The following FAM240B variants were observed in gnomAD, a reference collection of about 807,000 sequenced individuals.
FAM240B encodes family with sequence similarity 240 member B, also known as protein FAM240B.
intron 2 of FAM240B, among the ~76,000 whole-genome samples, chr9:38,699,887 T>C (rs368575640): frequency 1.3e-5 from 2 of 152,246 alleles, no homozygotes; most frequent in African/African-American, 4.8e-5. Flanking sequence ...AATCTTGATC[T>C]CTGTGCTTTT....
chr9:38,704,451 T>G (rs1480671004), intron 1 of FAM240B, among the ~76,000 whole-genome samples: 1 of 152,206 alleles, frequency 6.6e-6, no homozygotes, highest in Admixed American at 6.5e-5. Flanking sequence ...TTTTAAAATT[T>G]TCTTTTGACT....
intron 2 of FAM240B, among the ~76,000 whole-genome samples, chr9:38,695,158 C>T (rs976991027): frequency 6.6e-6 from 1 of 152,164 alleles, no homozygotes; most frequent in Non-Finnish European, 1.5e-5. Context: ...AGCAAACCAC[C>T]ATGACACATG....
chr9:38,704,104 C>A, intron 1 of FAM240B, 102 bp from the exon 2 acceptor site: 1 of 346,786 alleles, frequency 2.9e-6, no homozygotes. Context: ...GCCATTTACA[C>A]TTGTTTTTTT....
intron 1 of FAM240B, among the ~76,000 whole-genome samples, 160 bp downstream of exon 1, chr9:38,719,862 G>A (rs1344351636): frequency 6.6e-6 from 1 of 152,212 alleles, no homozygotes; most frequent in Non-Finnish European, 1.5e-5. Flanking sequence ...TGGCCCATCT[G>A]TTATTCCCAA....
intron 1 of FAM240B, among the ~76,000 whole-genome samples, chr9:38,704,555 G>A (rs1394278898): frequency 1.3e-5 from 2 of 151,696 alleles, no homozygotes; most frequent in East Asian, 3.9e-4. Flanking sequence ...CATTATTTTA[G>A]CTTTCTTAAA....
intron 1 of FAM240B, among the ~76,000 whole-genome samples, chr9:38,711,412 G>A (rs1821253861): frequency 6.6e-6 from 1 of 152,124 alleles, no homozygotes; most frequent in Non-Finnish European, 1.5e-5. Context: ...GAGCTAAGAT[G>A]GCTCCACCTG....
At chr9:38,718,624 C>A (rs74392107) in intron 1 of FAM240B, among the ~76,000 whole-genome samples, 1,747 of 152,058 alleles carry the variant, frequency 0.011, 36 homozygotes, top group African/African-American at 0.04. Flanking sequence ...AGAGAAGTAA[C>A]CAATACATTT....
At chr9:38,710,587 G>C (rs1821243139) in intron 1 of FAM240B, among the ~76,000 whole-genome samples, 1 of 152,118 alleles carries the variant, frequency 6.6e-6, no homozygotes, top group Non-Finnish European at 1.5e-5. Flanking sequence ...TTAAAGTATA[G>C]GCAGTGGGGG....
chr9:38,700,675 T>G (rs1367624661), intron 2 of FAM240B, among the ~76,000 whole-genome samples: 4 of 152,220 alleles, frequency 2.6e-5, no homozygotes, highest in South Asian at 4.1e-4. Context: ...CTTCTCGAAT[T>G]GCCTCAATCA....
chr9:38,704,751 G>A (rs1358636405), intron 1 of FAM240B, among the ~76,000 whole-genome samples: 1 of 152,142 alleles, frequency 6.6e-6, no homozygotes, highest in Non-Finnish European at 1.5e-5. Flanking sequence ...GATGTGGGCC[G>A]GGCACGCTTT....
In FAM240B at chr9:38,703,915, T is replaced by G. The variant is rs2119003869; in HGVS notation, c.85A>C (p.Lys29Gln). 2.5e-6 allele frequency: 1 copy of G among 400,656 alleles called. No homozygotes were observed. The highest frequency in any genetic ancestry group is 2.0e-5 in the African/African-American group (1 of 48,818). The allele number at this position is 400,656 out of a possible 1,614,324, so 24.8% of individuals were successfully genotyped here. Reference protein sequence around the residue: ...LKSFWEKEISKQTFYRELEED... With the variant: ...LKSFWEKEISQQTFYRELEED... ...TCCAGTTCTCGGTAAAAAGTCTGTT[T>G]GCTAATTTCTTTTTCCCAGAAGCTT... is the stretch of plus-strand genomic sequence containing the variant. Residue 29 changes from lysine (K) to glutamine (Q), a missense_variant, in exon 2 of 3, where the codon AAA (lysine) becomes CAA (glutamine). Lys to Gln is a moderately conservative substitution (Grantham distance 53). Transcript: ENST00000637493.
In FAM240B at chr9:38,713,724, A is replaced by C. The variant is rs916904270; in HGVS notation, c.-4+6298T>G. Among the ~76,000 whole-genome samples the C allele has an allele frequency of 8.5e-5, 13 of 152,154 alleles. 1 individual carries two copies. The highest frequency in any genetic ancestry group is 8.5e-4 in the Admixed American group (13 of 15,276). On this transcript the variant is annotated intron_variant, in intron 1 of 2. Transcript: ENST00000637493. ...TAGAGGGGAAAGATTATGATGCGTC[A>C]ACTTCTCTCATGTGATTTAGAAAAG...
intron 1 of FAM240B, among the ~76,000 whole-genome samples, chr9:38,709,969 G>C (rs1821235353): frequency 6.6e-6 from 1 of 152,124 alleles, no homozygotes; most frequent in African/African-American, 2.4e-5. Flanking sequence ...ATGTGCTCTT[G>C]ATGTCTTTTT....
At chr9:38,708,762 T>G (rs16935357) in intron 1 of FAM240B, among the ~76,000 whole-genome samples, 1 of 152,062 alleles carries the variant, frequency 6.6e-6, no homozygotes, top group Non-Finnish European at 1.5e-5. Context: ...GCATCAAAAG[T>G]GCTAACTGAA....
At chr9:38,705,216 A>C (rs1199902574) in intron 1 of FAM240B, 1 of 152,246 alleles carries the variant, frequency 6.6e-6, no homozygotes, top group Non-Finnish European at 1.5e-5. Context: ...TCACAGCTAC[A>C]AAGTCCCTAT....
intron 2 of FAM240B, among the ~76,000 whole-genome samples, chr9:38,702,673 C>G (rs964300662): frequency 6.6e-6 from 1 of 152,202 alleles, no homozygotes; most frequent in African/African-American, 2.4e-5. Flanking sequence ...CATCTCTCAG[C>G]AGACTCCTTG....
intron 1 of FAM240B, among the ~76,000 whole-genome samples, chr9:38,719,206 G>A (rs1821344305): frequency 6.6e-6 from 1 of 152,002 alleles, no homozygotes; most frequent in South Asian, 2.1e-4. Flanking sequence ...AAAGGAGACT[G>A]TTCTTCGATA....
intron 2 of FAM240B, 39 bp downstream of exon 2, chr9:38,703,818 T>C (rs1465066395): frequency 3.3e-5 from 13 of 399,534 alleles, no homozygotes. Flanking sequence ...CTCTGGAAAA[T>C]CCACTTTAAA....
chr9:38,708,304 C>T (rs56059667), intron 1 of FAM240B, among the ~76,000 whole-genome samples: 11,143 of 152,262 alleles, frequency 0.073, 466 homozygotes, highest in East Asian at 0.14. Flanking sequence ...TACGCTGTCT[C>T]ATGGGGCAGC....
Sources: gnomAD v4.1 joint callset for allele counts (sites outside exome capture counted in the v4.1 genomes callset) on GRCh38, gnomAD v4.1.1 for gene constraint, MANE v1.5 for transcripts, NCBI Gene and HGNC (gene_info 2026-07-23, HGNC 2026-07-21) for gene names.